STX8: variants seen among roughly 807,000 people sequenced by gnomAD.
STX8 encodes the protein syntaxin 8, also known as syntaxin-8.
STX8 carries 23 observed loss-of-function variants against 37.5 expected under a neutral mutation model. That is an observed-to-expected ratio of 0.61 (90% CI 0.44 to 0.87). STX8 has a LOEUF of 0.87. Ranked by LOEUF, STX8 falls within the 40% of genes least tolerant of loss-of-function variation. The probability of loss-of-function intolerance (pLI) is 0.00; values close to 1 mark genes in which losing one functional copy is unlikely to be tolerated. For missense variants in STX8, 313 were observed against 284.7 expected (o/e 1.10, Z -0.71); for synonymous variants, 115 against 99.1 (o/e 1.16, Z -0.95).
intron 2 of STX8, among the ~76,000 whole-genome samples, chr17:9,562,162 G>C (rs1358457727): frequency 1.3e-5 from 2 of 151,754 alleles, no homozygotes; most frequent in Non-Finnish European, 2.9e-5. Context: ...CCAGCACTTT[G>C]GGAGGCTGAG....
chr17:9,540,233 G>A (rs997383231), intron 4 of STX8, among the ~76,000 whole-genome samples: 2 of 152,308 alleles, frequency 1.3e-5, no homozygotes, highest in East Asian at 3.9e-4. Context: ...GCTGGTCCTC[G>A]ATAGGTCCAC....
intron 6 of STX8, among the ~76,000 whole-genome samples, chr17:9,431,932 T>TCATTC (rs1914000194): frequency 6.6e-6 from 1 of 152,204 alleles, no homozygotes; most frequent in African/African-American, 2.4e-5. Context: ...GCTGTGACTA[T>TCATTC]CTCAGCATAC....
chr17:9,272,629 G>A (rs1315791182), intron 7 of STX8, among the ~76,000 whole-genome samples: 5 of 152,234 alleles, frequency 3.3e-5, no homozygotes, highest in African/African-American at 1.2e-4. Flanking sequence ...TTAAAGCACA[G>A]ACAACCTCTC....
At chr17:9,326,851 A>C (rs1168236684) in intron 7 of STX8, among the ~76,000 whole-genome samples, 1 of 152,232 alleles carries the variant, frequency 6.6e-6, no homozygotes, top group Non-Finnish European at 1.5e-5. Context: ...TACTTGACAC[A>C]GGAGCCTTCA....
At chr17:9,368,922 C>CTTTTTTT (rs71830909) in intron 7 of STX8, among the ~76,000 whole-genome samples, 6 of 145,328 alleles carry the variant, frequency 4.1e-5, no homozygotes, top group Admixed American at 2.1e-4. Flanking sequence ...ACCTTTTACC[C>CTTTTTTT]TTTTTTTTTT....
At chr17:9,313,942 T>C (rs1337310291) in intron 7 of STX8, among the ~76,000 whole-genome samples, 17 of 152,186 alleles carry the variant, frequency 1.1e-4, no homozygotes, top group Non-Finnish European at 2.5e-4. Flanking sequence ...TCCCTTTAAA[T>C]TCCCATAACA....
intron 6 of STX8, among the ~76,000 whole-genome samples, chr17:9,483,074 A>G (rs1906415491): frequency 6.6e-6 from 1 of 152,086 alleles, no homozygotes; most frequent in African/African-American, 2.4e-5. Context: ...TCCTGTTGCT[A>G]CTCTAACAAA....
chr17:9,267,179 T>C (rs1907260248), intron 7 of STX8, among the ~76,000 whole-genome samples: 1 of 152,182 alleles, frequency 6.6e-6, no homozygotes, highest in Non-Finnish European at 1.5e-5. Context: ...ACTGCACGTG[T>C]TCAGACCATG....
intron 6 of STX8, among the ~76,000 whole-genome samples, chr17:9,440,458 T>C (rs1262698675): frequency 1.3e-5 from 2 of 152,066 alleles, no homozygotes; most frequent in African/African-American, 4.8e-5. Context: ...ACTGCAGTTA[T>C]CTCCATTGGT....
At chr17:9,288,181 CT>C (rs1908159553) in intron 7 of STX8, among the ~76,000 whole-genome samples, 1 of 113,638 alleles carries the variant, frequency 8.8e-6, no homozygotes, top group South Asian at 2.8e-4. Context: ...AACCTTCCCC[CT>C]GAAAAAAAAA....
Position 9,507,347 on chromosome 17 carries a change from G to A in STX8, c.324-2185C>T, listed in dbSNP as rs575148717. Among the ~76,000 whole-genome samples the A allele has an allele frequency of 1.3e-5, 2 of 152,070 alleles. No homozygotes were observed. Among genetic ancestry groups the A allele is most frequent in the East Asian group, 1.9e-4 (1 of 5,148 alleles). ...AAACAGCCCATGGGTCACCCCTAGC[G>A]GCAACTCCCCTAGGCCAGCCGAGCA... On this transcript the variant is annotated intron_variant, in intron 4 of 7. Transcript: ENST00000306357. The surrounding 1 kb of genome is among the most constrained non-coding windows in gnomAD (Gnocchi z 4.0).
At chr17:9,428,624 T>C (rs981425091) in intron 6 of STX8, among the ~76,000 whole-genome samples, 1 of 152,322 alleles carries the variant, frequency 6.6e-6, no homozygotes, top group East Asian at 1.9e-4. Flanking sequence ...CTGATAGAAA[T>C]GTAATGTGAA....
chr17:9,276,826 C>T (rs966790195), intron 7 of STX8, among the ~76,000 whole-genome samples: 10 of 151,288 alleles, frequency 6.6e-5, no homozygotes, highest in East Asian at 1.9e-4. Context: ...TTAGTAGAGA[C>T]GGGGTTTCAC....
intron 7 of STX8, among the ~76,000 whole-genome samples, chr17:9,375,291 C>T (rs9903848): frequency 0.017 from 2,552 of 152,004 alleles, 71 homozygotes; most frequent in African/African-American, 0.057. Flanking sequence ...TCCTTAAATT[C>T]TTTTCTATTT....
chr17:9,311,369 T>A (rs1343758276), intron 7 of STX8, among the ~76,000 whole-genome samples: 4 of 151,920 alleles, frequency 2.6e-5, no homozygotes. Context: ...GAGATTCAAA[T>A]GAGAATGCAC....
intron 7 of STX8, among the ~76,000 whole-genome samples, chr17:9,370,002 C>G (rs1309251991): frequency 6.6e-6 from 1 of 151,510 alleles, no homozygotes; most frequent in Non-Finnish European, 1.5e-5. Context: ...TCACTTGAGG[C>G]TGGGGGGTTG....
intron 6 of STX8, among the ~76,000 whole-genome samples, chr17:9,476,430 G>A (rs8064229): frequency 0.76 from 115,478 of 151,930 alleles, 44,227 homozygotes; most frequent in East Asian, 0.99. Flanking sequence ...AGATGTGAGC[G>A]GAAGTTGTTT....
intron 2 of STX8, among the ~76,000 whole-genome samples, chr17:9,562,911 C>T (rs1411303851): frequency 1.3e-5 from 2 of 151,896 alleles, no homozygotes; most frequent in Non-Finnish European, 1.5e-5. Context: ...GACACCTATG[C>T]ACATAATTTT....
At chr17:9,367,205 G>C (rs187225785) in intron 7 of STX8, among the ~76,000 whole-genome samples, 37 of 137,372 alleles carry the variant, frequency 2.7e-4, no homozygotes, top group African/African-American at 9.7e-4. Flanking sequence ...TTTTTTCCCT[G>C]TCCAGATCCA....
Sources: allele counts gnomAD v4.1 joint callset (sites outside exome capture counted in the v4.1 genomes callset), GRCh38; gene constraint gnomAD v4.1.1; non-coding constraint Gnocchi (gnomAD v3.1); transcripts MANE v1.5; gene names NCBI Gene and HGNC (gene_info 2026-07-23, HGNC 2026-07-21).